Variants in DMD observed in about 807,000 individuals in gnomAD.
DMD encodes the protein mutant dystrophin.
A neutral mutation model predicts 330.1 loss-of-function variants in DMD; 63 were observed. The observed-to-expected ratio is 0.19, with a 90% CI of 0.16 to 0.24. The LOEUF (loss-of-function observed/expected upper bound fraction) is 0.24, where lower values mean the gene tolerates loss of function less well. Among genes scored for constraint, DMD ranks in the 10% least tolerant of loss-of-function variants. The pLI is 1.00. For missense variants in DMD, 3,344 were observed against 2,684.1 expected (o/e 1.25, Z -5.43); for synonymous variants, 1,223 against 959.8 (o/e 1.27, Z -5.07).
At chrX:31,612,243 G>A (rs1036971456) in intron 55 of DMD, among the ~76,000 whole-genome samples, 2 of 111,551 alleles carry the variant, frequency 1.8e-5, no homozygotes, top group African/African-American at 6.5e-5. Context: ...TTCATTTTGT[G>A]TCTGGTTTAT....
intron 71 of DMD, among the ~76,000 whole-genome samples, chrX:31,174,176 C>G (rs1274062597): frequency 9.0e-6 from 1 of 111,289 alleles, no homozygotes; most frequent in Non-Finnish European, 1.9e-5. Context: ...GACTATACCA[C>G]TAATTTCTAG....
At chrX:31,348,315 G>T in intron 61 of DMD, 1 of 410,091 alleles carries the variant, frequency 2.4e-6, no homozygotes. Flanking sequence ...TAACATTTGA[G>T]AATATAGTGC....
intron 44 of DMD, among the ~76,000 whole-genome samples, chrX:32,130,687 C>A (rs2096688101): frequency 9.0e-6 from 1 of 111,367 alleles, no homozygotes; most frequent in South Asian, 3.8e-4. Flanking sequence ...TGCAATTGCA[C>A]GCTTTTTGTT....
At chrX:32,395,992 T>A (rs777786547) in intron 30 of DMD, among the ~76,000 whole-genome samples, 42 of 111,363 alleles carry the variant, frequency 3.8e-4, no homozygotes, top group Non-Finnish European at 7.4e-4. Flanking sequence ...AAGCTCAGCA[T>A]TACAAAGCAA....
chrX:32,354,276 C>T (rs1160965806), intron 37 of DMD, among the ~76,000 whole-genome samples: 1 of 111,550 alleles, frequency 9.0e-6, no homozygotes, highest in Admixed American at 9.5e-5. Flanking sequence ...TTTAAAATTG[C>T]TTCAAATCCA....
At chrX:32,668,832 A>C (rs567749887) in intron 9 of DMD, among the ~76,000 whole-genome samples, 2 of 110,755 alleles carry the variant, frequency 1.8e-5, no homozygotes, top group African/African-American at 6.6e-5. Flanking sequence ...ATCAATACTA[A>C]TAATAATCAC....
chrX:32,660,409 A>T (rs1458333576), intron 9 of DMD, among the ~76,000 whole-genome samples: 2 of 111,491 alleles, frequency 1.8e-5, no homozygotes, highest in Non-Finnish European at 3.8e-5. Flanking sequence ...AGTGAGGTGA[A>T]CATAGAAAGT....
At chrX:31,558,373 G>A (rs184878903) in intron 55 of DMD, among the ~76,000 whole-genome samples, 36 of 111,121 alleles carry the variant, frequency 3.2e-4, no homozygotes, top group African/African-American at 1.1e-3. Flanking sequence ...TGCTTCTCAA[G>A]CTGCAACGTG....
chrX:32,232,457 T>C (rs780311768), intron 43 of DMD, among the ~76,000 whole-genome samples: 3 of 111,216 alleles, frequency 2.7e-5, no homozygotes, highest in Non-Finnish European at 5.7e-5. Flanking sequence ...TGTATGTAAC[T>C]GTGGGAGCAG....
intron 5 of DMD, among the ~76,000 whole-genome samples, chrX:32,820,040 G>T (rs1171861989): frequency 9.0e-6 from 1 of 110,680 alleles, no homozygotes; most frequent in Non-Finnish European, 1.9e-5. Flanking sequence ...GTGATTCAAG[G>T]GCATAAATGA....
chrX:32,085,585 C>CGTATAT (rs1569541099), intron 44 of DMD, among the ~76,000 whole-genome samples: 3 of 79,251 alleles, frequency 3.8e-5, no homozygotes, highest in Admixed American at 1.4e-4. Context: ...TATATACACA[C>CGTATAT]ACACATATAT....
chrX:32,424,738 A>G (rs983981706), intron 29 of DMD, among the ~76,000 whole-genome samples: 6 of 109,909 alleles, frequency 5.5e-5, no homozygotes, highest in African/African-American at 2.0e-4. Flanking sequence ...AACAGCCAAC[A>G]GCTAAAAGAC....
At position 32,902,156 on chromosome X, in the gene DMD, CAA is replaced by C. The variant is rs3078871; in HGVS notation, c.94-52338_94-52337del. ...CTCATAAGCAAGCATCACACACACA[CAA>C]ACACACACACACACACACACACACA... is the stretch of plus-strand genomic sequence containing the variant. On this transcript the variant is annotated intron_variant, in intron 2 of 78. Transcript: ENST00000357033. Among the ~76,000 whole-genome samples the C allele has an allele frequency of 1.8e-3, 136 of 75,777 alleles. 5 individuals carry two copies. Among genetic ancestry groups the C allele is most frequent in the African/African-American group, 7.8e-3 (130 of 16,577 alleles). 65.8% of individuals were successfully genotyped at this position (75,777 alleles called of 115,157 possible).
At chrX:32,871,616 T>C (rs1227786576) in intron 2 of DMD, among the ~76,000 whole-genome samples, 1 of 111,479 alleles carries the variant, frequency 9.0e-6, no homozygotes, top group Non-Finnish European at 1.9e-5. Context: ...ATCTCGTAAA[T>C]AAGAGCTGGG....
At chrX:32,836,369 T>C (rs1204960728) in intron 4 of DMD, among the ~76,000 whole-genome samples, 1 of 111,247 alleles carries the variant, frequency 9.0e-6, no homozygotes, top group African/African-American at 3.3e-5. Flanking sequence ...TATGTATTTC[T>C]GTGTAAAACC....
At chrX:32,115,997 T>G (rs1291639158) in intron 44 of DMD, among the ~76,000 whole-genome samples, 1 of 111,951 alleles carries the variant, frequency 8.9e-6, no homozygotes, top group Non-Finnish European at 1.9e-5. Flanking sequence ...ACTCTATTTT[T>G]CTAAATTCTT....
chrX:31,416,641 C>A (rs1211730495), intron 60 of DMD, among the ~76,000 whole-genome samples: 3 of 112,306 alleles, frequency 2.7e-5, no homozygotes, highest in African/African-American at 9.7e-5. Flanking sequence ...TGCCTTCTAA[C>A]AAATGTTGGT....
intron 44 of DMD, among the ~76,000 whole-genome samples, chrX:32,119,574 A>G (rs1293200983): frequency 9.0e-6 from 1 of 110,943 alleles, no homozygotes; most frequent in East Asian, 2.9e-4. Context: ...AACTCCTGAG[A>G]TGAACACAAT....
chrX:32,596,745 C>A (rs748757355), intron 12 of DMD, among the ~76,000 whole-genome samples: 2 of 110,054 alleles, frequency 1.8e-5, no homozygotes, highest in African/African-American at 3.3e-5. Flanking sequence ...CGGGATTTCA[C>A]CACGTTGGCC....
Sources: allele counts gnomAD v4.1 joint callset (sites outside exome capture counted in the v4.1 genomes callset), GRCh38; gene constraint gnomAD v4.1.1; transcripts MANE v1.5; gene names NCBI Gene and HGNC (gene_info 2026-07-23, HGNC 2026-07-21).